UIMC1: variants seen among roughly 807,000 people sequenced by gnomAD.
UIMC1 encodes BRCA1-A complex subunit RAP80.
Under a neutral mutation model 84.9 loss-of-function variants are expected in UIMC1, and 42 were observed. That is an observed-to-expected ratio of 0.49 (90% CI 0.39 to 0.64). The LOEUF is 0.64. Among genes scored for constraint, UIMC1 ranks in the 30% least tolerant of loss-of-function variants. The pLI is 0.00. For synonymous variants in UIMC1, 281 were observed against 293.0 expected (o/e 0.96, Z 0.42); for missense variants, 825 against 847.6 (o/e 0.97, Z 0.33).
chr5:176,997,937 C>A (rs1773874834), intron 1 of UIMC1, among the ~76,000 whole-genome samples: 1 of 152,100 alleles, frequency 6.6e-6, no homozygotes, highest in South Asian at 2.1e-4. Context: ...TCCTTCTCAT[C>A]CTTCAGAAGA....
At chr5:176,970,721 T>C (rs758825807) in intron 4 of UIMC1, 21 bp downstream of exon 4, 1 of 1,613,896 alleles carries the variant, frequency 6.2e-7, no homozygotes, top group South Asian at 1.1e-5. Flanking sequence ...TCCACAAACT[T>C]TTGCAACATG....
chr5:176,985,046 C>T (rs1281510777), intron 1 of UIMC1, among the ~76,000 whole-genome samples: 13 of 152,086 alleles, frequency 8.5e-5, no homozygotes, highest in Non-Finnish European at 1.5e-5. Flanking sequence ...TCCTATGACC[C>T]TGCCACATCC....
intron 14 of UIMC1, 117 bp from the exon 15 acceptor site, chr5:176,905,609 G>T: frequency 1.1e-6 from 1 of 940,692 alleles, no homozygotes; most frequent in Non-Finnish European, 1.6e-6. Flanking sequence ...AATAATCTTT[G>T]TAATAATCCC....
intron 1 of UIMC1, among the ~76,000 whole-genome samples, chr5:176,997,595 G>C (rs1187556796): frequency 6.7e-6 from 1 of 149,072 alleles, no homozygotes; most frequent in Non-Finnish European, 1.5e-5. Flanking sequence ...TGAGGCAGGA[G>C]AATGCCGTGA....
At chr5:176,980,527 A>G (rs1190967575) in intron 2 of UIMC1, among the ~76,000 whole-genome samples, 1 of 152,198 alleles carries the variant, frequency 6.6e-6, no homozygotes, top group Non-Finnish European at 1.5e-5. Flanking sequence ...TTCAGATCAC[A>G]CAGATGACAT....
At chr5:176,929,864 G>C (rs1353110839) in intron 10 of UIMC1, among the ~76,000 whole-genome samples, 1 of 152,066 alleles carries the variant, frequency 6.6e-6, no homozygotes, top group East Asian at 1.9e-4. Flanking sequence ...AACCACAAGA[G>C]CCCTCCTTCT....
rs1244157340 is a variant in UIMC1, at chr5:176,951,547, T to C, written c.1370A>G (p.Asp457Gly). The C allele has an allele frequency of 1.3e-6, 2 of 1,592,694 alleles. No homozygotes were observed. Among genetic ancestry groups the C allele is most frequent in the African/African-American group, 2.7e-5 (2 of 73,998 alleles). Reference sequence around the variant, plus strand: ...ACCTGGAGAGACTTCTCTTTCAAGGTCAAAAGTTTCAGAGGAACTTAGCTG... The same window carrying C: ...ACCTGGAGAGACTTCTCTTTCAAGGCCAAAAGTTTCAGAGGAACTTAGCTG... ...ETQLSSSETF[D>G]LEREVSPGSR... Residue 457 changes from aspartate (D) to glycine (G), a missense_variant, in exon 9 of 15, where the codon GAC (aspartate) becomes GGC (glycine). Physicochemically the swap from Asp to Gly is moderately conservative, Grantham distance 94. Coordinates refer to ENST00000511320, the MANE Select transcript of UIMC1 (RefSeq NM_001199298.2).
chr5:176,968,721 T>C lies in UIMC1; in HGVS notation c.1034A>G (p.Lys345Arg), dbSNP rs1485787801. Residue 345 changes from lysine to arginine, a missense_variant, in exon 6 of 15, where the codon AAA becomes AGA. Transcript: ENST00000511320. ...CATATCTTCTGAGATGCATTCATTT[T>C]TCTCACTAGCCTGCTCTCCTTGGCC... ...ECGQGEQASE[K>R]NECISEDMGD... is the part of the protein sequence containing the mutation. 5 of 1,614,072 alleles carry C rather than the reference T, an allele frequency of 3.1e-6. No individual in the cohort carries two copies. In the South Asian group the frequency reaches 3.3e-5, roughly 11 times the overall value.
chr5:176,931,454 T>G (rs956448476), intron 10 of UIMC1, among the ~76,000 whole-genome samples: 1 of 152,194 alleles, frequency 6.6e-6, no homozygotes, highest in African/African-American at 2.4e-5. Context: ...AGAGAAATCC[T>G]GAGGTGGGGG....
chr5:176,977,026 C>T (rs1051630756), intron 2 of UIMC1, among the ~76,000 whole-genome samples: 4 of 152,044 alleles, frequency 2.6e-5, no homozygotes, highest in Admixed American at 2.0e-4. Context: ...AGGTCGAGAC[C>T]AGCCTGGCCA....
At chr5:176,956,534 C>T (rs1338116556) in intron 7 of UIMC1, among the ~76,000 whole-genome samples, 4 of 152,128 alleles carry the variant, frequency 2.6e-5, no homozygotes, top group African/African-American at 7.2e-5. Flanking sequence ...AAAACAATTC[C>T]AAACTGCCCT....
chr5:176,975,933 C>T (rs1324366495), intron 2 of UIMC1, among the ~76,000 whole-genome samples: 2 of 152,026 alleles, frequency 1.3e-5, no homozygotes, highest in African/African-American at 2.4e-5. Context: ...AATACACCAA[C>T]CCTACACCCC....
intron 10 of UIMC1, among the ~76,000 whole-genome samples, chr5:176,922,005 A>T (rs1761769722): frequency 6.6e-6 from 1 of 151,688 alleles, no homozygotes; most frequent in Admixed American, 6.6e-5. Flanking sequence ...TGCCAAACAC[A>T]CTCTTGCTTT....
chr5:177,004,509 T>C (rs1581724225), intron 1 of UIMC1, among the ~76,000 whole-genome samples: 7 of 152,166 alleles, frequency 4.6e-5, no homozygotes, highest in Admixed American at 3.9e-4. Flanking sequence ...TCTTCACTTA[T>C]TGAACTAAAG....
chr5:176,969,097 A>G lies in UIMC1; in HGVS notation c.658T>C (p.Cys220Arg), dbSNP rs780122477. Reference protein sequence around the residue: ...ENVNVKSFDRCTGHSAEHTQC... With the variant: ...ENVNVKSFDRRTGHSAEHTQC... ...GTGTGCTCAGCCGAGTGGCCAGTAC[A>G]TCTGTCAAAAGATTTAACGTTCACA... The change falls in exon 6 of 15, where the codon TGT (cysteine) becomes CGT (arginine). Residue 220 changes from cysteine to arginine, a missense_variant. By Grantham distance (180) the Cys-to-Arg change is radical. Coordinates refer to ENST00000511320, the MANE Select transcript of UIMC1 (RefSeq NM_001199298.2). The G allele has an allele frequency of 2.8e-5, 45 of 1,614,076 alleles. No homozygotes were observed. The highest frequency in any genetic ancestry group is 3.6e-5 in the Non-Finnish European group (42 of 1,180,032).
chr5:176,945,041 G>C (rs1033795236), intron 9 of UIMC1, among the ~76,000 whole-genome samples: 1 of 152,182 alleles, frequency 6.6e-6, no homozygotes, highest in Non-Finnish European at 1.5e-5. Flanking sequence ...ACAAACCCAG[G>C]CCCACTTGGC....
chr5:176,968,938 T>G lies in UIMC1; in HGVS notation c.817A>C (p.Thr273Pro), dbSNP rs759498473. The change falls in exon 6 of 15, where the codon ACT becomes CCT. Residue 273 changes from threonine to proline, a missense_variant. Coordinates refer to ENST00000511320, the MANE Select transcript of UIMC1 (RefSeq NM_001199298.2). ...DAKGLQDTGG[T>P]VNYFWGIPFC... is the part of the protein sequence containing the mutation. ...GGAATACCCCAGAAATAGTTCACAG[T>G]GCCCCCAGTGTCCTGGAGACCTTTG... 6.2e-7 allele frequency: 1 copy of G among 1,614,196 alleles called. No homozygotes were observed. Among genetic ancestry groups the G allele is most frequent in the South Asian group, 1.1e-5 (1 of 91,086 alleles).
intron 9 of UIMC1, among the ~76,000 whole-genome samples, chr5:176,947,679 G>T (rs1290250341): frequency 4.6e-5 from 7 of 151,818 alleles, no homozygotes; most frequent in African/African-American, 7.3e-5. Flanking sequence ...TTAGCCAGGC[G>T]TGGTGGTGGG....
chr5:176,951,553 G>A lies in UIMC1; in HGVS notation c.1364C>T (p.Thr455Ile), dbSNP rs1317803185. The A allele has an allele frequency of 6.3e-7, 1 of 1,590,604 alleles. No homozygotes were observed. The highest frequency in any genetic ancestry group is 8.5e-7 in the Non-Finnish European group (1 of 1,170,274). Residue 455 changes from threonine (T) to isoleucine (I), a missense_variant, in exon 9 of 15, where the codon ACT becomes ATT. By Grantham distance (89) the Thr-to-Ile change is moderately conservative (BLOSUM62 -1). Coordinates refer to ENST00000511320, the MANE Select transcript of UIMC1 (RefSeq NM_001199298.2). ...AGAGACTTCTCTTTCAAGGTCAAAA[G>A]TTTCAGAGGAACTTAGCTGGGTCTC... ...CPETQLSSSE[T>I]FDLEREVSPG...
Sources: gnomAD v4.1 joint callset for allele counts (sites outside exome capture counted in the v4.1 genomes callset) on GRCh38, gnomAD v4.1.1 for gene constraint, MANE v1.5 for transcripts, NCBI Gene and HGNC (gene_info 2026-07-23, HGNC 2026-07-21) for gene names.